Variants in DPP10 observed in about 807,000 individuals in gnomAD.
The protein encoded by DPP10 is dipeptidyl peptidase like 10, also known as inactive dipeptidyl peptidase 10.
A neutral mutation model predicts 120.9 loss-of-function variants in DPP10; 33 were observed. That is an observed-to-expected ratio of 0.27 (90% CI 0.21 to 0.37). The LOEUF (loss-of-function observed/expected upper bound fraction) is 0.37, where lower values mean the gene tolerates loss of function less well. Ranked by LOEUF, DPP10 falls within the 10% of genes least tolerant of loss-of-function variation. The pLI is 1.00. For synonymous variants in DPP10, 337 were observed against 326.1 expected (o/e 1.03, Z -0.36); for missense variants, 816 against 942.8 (o/e 0.87, Z 1.76).
At chr2:115,273,064 AATAG>A (rs752569095) in intron 1 of DPP10, among the ~76,000 whole-genome samples, 17 of 152,300 alleles carry the variant, frequency 1.1e-4, no homozygotes, top group South Asian at 2.1e-4. Flanking sequence ...TCCTTTTGGA[AATAG>A]ATAGATGAGA....
At chr2:114,903,189 C>A (rs1216292032) in intron 1 of DPP10, among the ~76,000 whole-genome samples, 1 of 152,136 alleles carries the variant, frequency 6.6e-6, no homozygotes, top group East Asian at 1.9e-4. Flanking sequence ...GTTGATTTAT[C>A]CATTTACCTA....
intron 1 of DPP10, among the ~76,000 whole-genome samples, chr2:114,730,791 A>C (rs1182730474): frequency 6.6e-6 from 1 of 151,666 alleles, no homozygotes; most frequent in Non-Finnish European, 1.5e-5. Context: ...ACAGGGTTTC[A>C]CCCTGTTAGG....
chr2:114,732,475 G>A (rs1677016420), intron 1 of DPP10, among the ~76,000 whole-genome samples: 1 of 152,196 alleles, frequency 6.6e-6, no homozygotes, highest in African/African-American at 2.4e-5. Flanking sequence ...TGGGGATTGG[G>A]GGAGAGAGTA....
chr2:114,522,073 G>A (rs533709292), intron 1 of DPP10, among the ~76,000 whole-genome samples: 111 of 145,794 alleles, frequency 7.6e-4, no homozygotes, highest in African/African-American at 2.6e-3. Flanking sequence ...TCCGCCTCCC[G>A]GGTTCACGCC....
chr2:115,535,077 A>G (rs2078727313), intron 5 of DPP10, among the ~76,000 whole-genome samples: 1 of 148,510 alleles, frequency 6.7e-6, no homozygotes, highest in Non-Finnish European at 1.5e-5. Context: ...GTTCACTCTG[A>G]TGGTAGTTTC....
chr2:114,445,398 A>G lies in DPP10; in HGVS notation c.60+2560A>G, dbSNP rs564904609. ...TCTAGAGAACTTTTCCCCCATCAGTATAGTAAATGCTGACTGTTTCTTCTC... is the reference window on the plus strand; with the variant it reads ...TCTAGAGAACTTTTCCCCCATCAGTGTAGTAAATGCTGACTGTTTCTTCTC... On this transcript the variant is annotated intron_variant, in intron 1 of 25. Coordinates refer to ENST00000410059, the MANE Select transcript of DPP10 (RefSeq NM_020868.6). Among the ~76,000 whole-genome samples the G allele has an allele frequency of 4.6e-5, 7 of 152,306 alleles. No homozygotes were observed. The East Asian group carries it at 1.3e-3, about 29-fold the overall frequency.
intron 3 of DPP10, among the ~76,000 whole-genome samples, chr2:115,425,718 A>G (rs2104724319): frequency 6.6e-6 from 1 of 152,290 alleles, no homozygotes; most frequent in South Asian, 2.1e-4. Flanking sequence ...CCATTTTTGC[A>G]TTGCTATAAA....
chr2:115,590,694 G>C (rs1270793094), intron 5 of DPP10, among the ~76,000 whole-genome samples: 1 of 152,176 alleles, frequency 6.6e-6, no homozygotes, highest in Non-Finnish European at 1.5e-5. Context: ...GTAATGGGAT[G>C]GTTGGGTCAA....
intron 5 of DPP10, among the ~76,000 whole-genome samples, chr2:115,640,450 GAA>G (rs5833616): frequency 6.8e-6 from 1 of 146,496 alleles, no homozygotes; most frequent in Non-Finnish European, 1.5e-5. Context: ...ATCTGAAAAA[GAA>G]AAAAAAAGAA....
At chr2:115,468,071 G>T (rs1457497449) in intron 3 of DPP10, 2 of 425,456 alleles carry the variant, frequency 4.7e-6, no homozygotes. Flanking sequence ...TGGAACCTGC[G>T]ATGTCTTGAA....
chr2:115,717,947 A>C (rs1394357162), intron 7 of DPP10, among the ~76,000 whole-genome samples: 5 of 152,182 alleles, frequency 3.3e-5, no homozygotes, highest in African/African-American at 4.8e-5. Flanking sequence ...TGATACTCAC[A>C]TAATACAAGG....
chr2:114,562,524 A>C (rs1395918584), intron 1 of DPP10, among the ~76,000 whole-genome samples: 1 of 152,220 alleles, frequency 6.6e-6, no homozygotes, highest in Non-Finnish European at 1.5e-5. Flanking sequence ...AGTAGATGCA[A>C]TTCAAGTACC....
chr2:115,129,211 T>G (rs868487178), intron 1 of DPP10, among the ~76,000 whole-genome samples: 3 of 152,356 alleles, frequency 2.0e-5, no homozygotes, highest in African/African-American at 7.2e-5. Flanking sequence ...TTCCCTCTGC[T>G]GTTCACATAT....
chr2:115,803,040 G>C (rs887877777), intron 19 of DPP10, among the ~76,000 whole-genome samples: 1 of 152,172 alleles, frequency 6.6e-6, no homozygotes, highest in Non-Finnish European at 1.5e-5. Context: ...CTGTTAAAGT[G>C]TCCCATTATT....
intron 1 of DPP10, among the ~76,000 whole-genome samples, chr2:115,274,488 C>T (rs375599901): frequency 2.0e-5 from 3 of 151,732 alleles, no homozygotes; most frequent in Admixed American, 6.6e-5. Context: ...AGAGAAGTTC[C>T]GAGATCCTCC....
At chr2:115,263,736 G>T (rs1178287609) in intron 1 of DPP10, among the ~76,000 whole-genome samples, 1 of 152,136 alleles carries the variant, frequency 6.6e-6, no homozygotes, top group East Asian at 1.9e-4. Context: ...ATTTATTCAT[G>T]ATTAAGTCAA....
At chr2:115,117,522 C>A (rs1391680200) in intron 1 of DPP10, among the ~76,000 whole-genome samples, 3 of 152,182 alleles carry the variant, frequency 2.0e-5, no homozygotes, top group African/African-American at 7.2e-5. Context: ...TTGGTAGGAG[C>A]ACTTGAGTCC....
chr2:115,671,708 C>G (rs2089880699), intron 5 of DPP10, among the ~76,000 whole-genome samples: 1 of 151,924 alleles, frequency 6.6e-6, no homozygotes, highest in Non-Finnish European at 1.5e-5. Context: ...ATTTAGAAAG[C>G]CCTTTAGATT....
chr2:115,449,333 A>G (rs760369788), intron 3 of DPP10, among the ~76,000 whole-genome samples: 4 of 152,116 alleles, frequency 2.6e-5, no homozygotes, highest in African/African-American at 4.8e-5. Context: ...GTTGCTTTCC[A>G]TTAGAAAAAA....
Sources: allele counts gnomAD v4.1 joint callset (sites outside exome capture counted in the v4.1 genomes callset), GRCh38; gene constraint gnomAD v4.1.1; transcripts MANE v1.5; gene names NCBI Gene and HGNC (gene_info 2026-07-23, HGNC 2026-07-21).